The following COL26A1 variants were observed in gnomAD, a reference collection of about 807,000 sequenced individuals.
COL26A1 encodes the protein collagen alpha-1(XXVI) chain.
In COL26A1, 41 loss-of-function variants were observed where a neutral mutation model predicts 59.3. The ratio of observed to expected loss-of-function variants is 0.69; its 90% CI spans 0.54 to 0.90. The LOEUF is 0.90. Ranked by LOEUF, COL26A1 falls within the 40% of genes least tolerant of loss-of-function variation. The pLI is 0.00. For synonymous variants in COL26A1, 266 were observed against 256.0 expected (o/e 1.04, Z -0.37); for missense variants, 612 against 602.3 (o/e 1.02, Z -0.17).
rs192305820 is a variant in COL26A1, at chr7:101,462,233, T to C, written c.385+14446T>C. ...CTGGCTGGTCTCACACCCCTGACCT[T>C]GTGATCCACCCGCCTTGGCCTCCCA... On this transcript the variant is annotated intron_variant, in intron 3 of 12. Coordinates refer to ENST00000313669, the MANE Select transcript of COL26A1 (RefSeq NM_001278563.3). 2.3e-3 allele frequency among the ~76,000 whole-genome samples: 346 copies of C among 151,920 alleles called. 2 individuals are homozygous for C. The highest frequency in any genetic ancestry group is 8.1e-3 in the African/African-American group (335 of 41,428).
intron 6 of COL26A1, among the ~76,000 whole-genome samples, chr7:101,544,666 A>G (rs1795692561): frequency 6.7e-6 from 1 of 150,158 alleles, no homozygotes; most frequent in Admixed American, 6.7e-5. Context: ...CTGAGTAACT[A>G]GGATTACAGG....
chr7:101,518,927 G>A (rs1341757768), intron 3 of COL26A1, among the ~76,000 whole-genome samples: 3 of 152,088 alleles, frequency 2.0e-5, no homozygotes, highest in South Asian at 2.1e-4. Flanking sequence ...TGTCCCCAAC[G>A]GAGGGCCAAG....
intron 2 of COL26A1, among the ~76,000 whole-genome samples, chr7:101,426,564 C>G (rs748575746): frequency 1.3e-5 from 2 of 152,160 alleles, no homozygotes; most frequent in Non-Finnish European, 2.9e-5. Context: ...TTTCTCCTAT[C>G]AGAGAGTACA....
chr7:101,374,233 C>T (rs1283989638), intron 1 of COL26A1, among the ~76,000 whole-genome samples: 1 of 152,142 alleles, frequency 6.6e-6, no homozygotes, highest in African/African-American at 2.4e-5. Context: ...AACAGACTAC[C>T]CTGAAACAAG....
At chr7:101,487,103 AG>A (rs1045791168) in intron 3 of COL26A1, among the ~76,000 whole-genome samples, 2 of 152,026 alleles carry the variant, frequency 1.3e-5, no homozygotes, top group Non-Finnish European at 2.9e-5. Flanking sequence ...GGCGGGGAGG[AG>A]GGGGCACAGA....
chr7:101,374,275 T>G (rs1024829301), intron 1 of COL26A1, among the ~76,000 whole-genome samples: 1 of 152,150 alleles, frequency 6.6e-6, no homozygotes, highest in African/African-American at 2.4e-5. Context: ...TCTGAAATAC[T>G]GGAGGAGAGC....
intron 3 of COL26A1, among the ~76,000 whole-genome samples, chr7:101,487,305 GCTTTACCCTTTGCTCATGGCAT>G (rs1399954885): frequency 2.8e-4 from 43 of 152,178 alleles, no homozygotes; most frequent in African/African-American, 9.4e-4. Context: ...AAGATACCCA[GCTTTACCCTTTGCTCATGGCAT>G]GGCCCTGGAG....
intron 3 of COL26A1, among the ~76,000 whole-genome samples, chr7:101,490,395 C>T (rs973509803): frequency 1.4e-4 from 21 of 150,582 alleles, no homozygotes; most frequent in African/African-American, 3.6e-4. Context: ...TTTTTATGGG[C>T]GGCCCATGAT....
At chr7:101,493,842 A>G (rs1011665609) in intron 3 of COL26A1, among the ~76,000 whole-genome samples, 4 of 148,286 alleles carry the variant, frequency 2.7e-5, no homozygotes, top group African/African-American at 1.0e-4. Context: ...CTGAGGCAGG[A>G]GAATGGCGGG....
At chr7:101,486,649 T>A (rs1474446669) in intron 3 of COL26A1, among the ~76,000 whole-genome samples, 1 of 152,254 alleles carries the variant, frequency 6.6e-6, no homozygotes, top group Non-Finnish European at 1.5e-5. Context: ...CATCTGTTGT[T>A]AATCCACATC....
chr7:101,404,875 C>T (rs949179832), intron 1 of COL26A1, among the ~76,000 whole-genome samples: 6 of 152,138 alleles, frequency 3.9e-5, no homozygotes, highest in African/African-American at 1.4e-4. Flanking sequence ...GCACCCCAGC[C>T]TGGGTCACAG....
intron 1 of COL26A1, among the ~76,000 whole-genome samples, chr7:101,381,031 C>T (rs1379718468): frequency 2.0e-5 from 3 of 152,318 alleles, no homozygotes; most frequent in Non-Finnish European, 2.9e-5. Context: ...TCTTTGCAAG[C>T]TGTGTTAGAT....
At chr7:101,392,278 T>C (rs1228732482) in intron 1 of COL26A1, among the ~76,000 whole-genome samples, 2 of 152,246 alleles carry the variant, frequency 1.3e-5, no homozygotes, top group African/African-American at 4.8e-5. Flanking sequence ...GTCTGGCCTG[T>C]TGGGGCAGTG....
intron 2 of COL26A1, among the ~76,000 whole-genome samples, chr7:101,446,863 A>AG (rs1554412322): frequency 6.6e-5 from 10 of 151,358 alleles, no homozygotes; most frequent in South Asian, 2.1e-4. Flanking sequence ...AAAAAAAAAA[A>AG]AGAGAGAGAG....
chr7:101,551,023 G>A, intron 9 of COL26A1, 85 bp from the exon 10 acceptor site: 1 of 1,418,830 alleles, frequency 7.0e-7, no homozygotes, highest in Non-Finnish European at 9.7e-7. Flanking sequence ...TCAGAGCACA[G>A]TGGGCGGGGA....
intron 1 of COL26A1, among the ~76,000 whole-genome samples, chr7:101,368,091 A>G (rs971918436): frequency 1.3e-5 from 2 of 152,084 alleles, no homozygotes; most frequent in East Asian, 1.9e-4. Flanking sequence ...GCCTGTGAAC[A>G]TGTTCATCTG....
intron 1 of COL26A1, among the ~76,000 whole-genome samples, chr7:101,386,521 C>T (rs1351329914): frequency 2.0e-5 from 3 of 152,180 alleles, no homozygotes; most frequent in Non-Finnish European, 4.4e-5. Context: ...TCTCGTTTCA[C>T]GCACTTCATC....
At chr7:101,517,617 G>A (rs1795056630) in intron 3 of COL26A1, among the ~76,000 whole-genome samples, 1 of 152,014 alleles carries the variant, frequency 6.6e-6, no homozygotes. Context: ...AGCTCCCACT[G>A]GGTCCCTCCC....
In COL26A1 at chr7:101,556,993, G is replaced by GTGGATGGA. The variant is rs72354212; in HGVS notation, c.1166-332_1166-325dup. On this transcript the variant is annotated intron_variant, in intron 12 of 12. Coordinates refer to ENST00000313669, the MANE Select transcript of COL26A1 (RefSeq NM_001278563.3). ...GGTGGATAAGTGAGTGGATGGATGG[G>GTGGATGGA]TGGATGGATGGATGGATGGATGGAT... Among the ~76,000 whole-genome samples, 706 of 144,760 alleles carry GTGGATGGA rather than the reference G, an allele frequency of 4.9e-3. 3 individuals are homozygous for GTGGATGGA. Among genetic ancestry groups the GTGGATGGA allele is most frequent in the African/African-American group, 0.01 (393 of 38,892 alleles). The allele number at this position is 144,760 out of a possible 152,430, so 95.0% of individuals were successfully genotyped here.
Sources: allele counts gnomAD v4.1 joint callset (sites outside exome capture counted in the v4.1 genomes callset), GRCh38; gene constraint gnomAD v4.1.1; transcripts MANE v1.5; gene names NCBI Gene and HGNC (gene_info 2026-07-23, HGNC 2026-07-21).